AGBL4: variants seen among roughly 807,000 people sequenced by gnomAD.
AGBL4 encodes AGBL carboxypeptidase 4.
AGBL4 carries 58 observed loss-of-function variants against 66.4 expected under a neutral mutation model. The observed-to-expected ratio is 0.87, with a 90% CI of 0.71 to 1.09. AGBL4 has a LOEUF of 1.09. AGBL4 is among the 50% of genes least tolerant of loss of function. The probability of loss-of-function intolerance (pLI) is 0.00; values close to 1 mark genes in which losing one functional copy is unlikely to be tolerated. For missense variants in AGBL4, 579 were observed against 631.0 expected, an observed-to-expected ratio of 0.92 and a Z score of 0.88; for synonymous variants, 234 against 222.9, an observed-to-expected ratio of 1.05 and a Z score of -0.44.
intron 2 of AGBL4, among the ~76,000 whole-genome samples, chr1:49,749,694 C>A (rs1651294205): frequency 6.6e-6 from 1 of 152,168 alleles, no homozygotes; most frequent in South Asian, 2.1e-4. Context: ...AGAAATAAAT[C>A]TAACAAGAGA....
chr1:49,576,012 T>A (rs549070075), intron 3 of AGBL4, among the ~76,000 whole-genome samples: 1 of 152,338 alleles, frequency 6.6e-6, no homozygotes, highest in South Asian at 2.1e-4. Flanking sequence ...GCATACCAAA[T>A]GATGGAAAAT....
intron 2 of AGBL4, among the ~76,000 whole-genome samples, chr1:49,815,075 C>T (rs959730445): frequency 2.6e-5 from 4 of 152,134 alleles, no homozygotes; most frequent in African/African-American, 7.2e-5. Context: ...TTATTATTGA[C>T]TATACTCACC....
intron 12 of AGBL4, among the ~76,000 whole-genome samples, chr1:48,538,026 T>C (rs190708561): frequency 5.9e-5 from 9 of 152,290 alleles, no homozygotes; most frequent in African/African-American, 2.2e-4. Flanking sequence ...GGACAGGCAC[T>C]TCAGGGGCAC....
chr1:49,516,317 C>G (rs1017408486), intron 3 of AGBL4, among the ~76,000 whole-genome samples: 1 of 151,924 alleles, frequency 6.6e-6, no homozygotes, highest in African/African-American at 2.4e-5. Flanking sequence ...AGAGGGACAA[C>G]TAATTCAGCC....
intron 3 of AGBL4, 79 bp from the exon 4 acceptor site, chr1:49,245,943 A>G: frequency 8.9e-7 from 1 of 1,119,760 alleles, no homozygotes; most frequent in South Asian, 1.4e-5. Context: ...GGAAATAAGA[A>G]ACAGGGTTAA....
At chr1:49,090,181 T>C (rs546682325) in intron 4 of AGBL4, among the ~76,000 whole-genome samples, 21 of 152,082 alleles carry the variant, frequency 1.4e-4, no homozygotes, top group Non-Finnish European at 2.5e-4. Context: ...TGGAACAAGA[T>C]AAGAATGCTC....
chr1:50,000,718 C>T (rs561572694), intron 1 of AGBL4, among the ~76,000 whole-genome samples: 1 of 152,232 alleles, frequency 6.6e-6, no homozygotes, highest in East Asian at 1.9e-4. Flanking sequence ...TATATATACA[C>T]CATGGAATAC....
At chr1:50,023,680 G>A (rs1484257668) in intron 1 of AGBL4, 83 bp downstream of exon 1, 35 of 1,473,512 alleles carry the variant, frequency 2.4e-5, no homozygotes, top group Non-Finnish European at 2.7e-6. Flanking sequence ...TCAGGAGTAG[G>A]ACCATGCCCG....
chr1:49,765,671 A>T (rs1054323714), intron 2 of AGBL4, among the ~76,000 whole-genome samples: 1 of 152,144 alleles, frequency 6.6e-6, no homozygotes, highest in Non-Finnish European at 1.5e-5. Context: ...GCAAGATCCA[A>T]AACAATGCTG....
chr1:48,826,036 A>G (rs1646420494), intron 6 of AGBL4, among the ~76,000 whole-genome samples: 1 of 152,142 alleles, frequency 6.6e-6, no homozygotes, highest in African/African-American at 2.4e-5. Context: ...ATTCAAAGTG[A>G]CAGGGACTTT....
intron 10 of AGBL4, among the ~76,000 whole-genome samples, chr1:48,588,798 C>CAGAGAAGAGAACAGAAGAGA (rs1644865886): frequency 8.8e-6 from 1 of 113,112 alleles, no homozygotes; most frequent in Non-Finnish European, 1.9e-5. Context: ...CATTGAGGAT[C>CAGAGAAGAGAACAGAAGAGA]AGAGAAGAGA....
intron 6 of AGBL4, chr1:48,742,730 C>G: frequency 1.2e-6 from 2 of 1,608,230 alleles, no homozygotes; most frequent in Admixed American, 1.7e-5. Flanking sequence ...GGCTCGGGCT[C>G]GAGACATTCT....
In AGBL4 at chr1:48,940,309, C is replaced by T. The variant is rs905684390; in HGVS notation, c.595-73079G>A. On this transcript the variant is annotated intron_variant, in intron 5 of 13. Transcript: ENST00000371839. ...AGAAGAATTGCTTGAACCCAGGAGG[C>T]GGAGGTTGCAGTGAGCCGAGATCAT... Among the ~76,000 whole-genome samples, 12 of 152,068 alleles carry T rather than the reference C, an allele frequency of 7.9e-5. No individual in the cohort carries two copies. In the South Asian group the frequency reaches 8.3e-4, roughly 11 times the overall value.
intron 3 of AGBL4, among the ~76,000 whole-genome samples, chr1:49,579,271 T>C (rs1182810935): frequency 6.6e-6 from 1 of 152,196 alleles, no homozygotes; most frequent in East Asian, 1.9e-4. Context: ...TCTGTTCCTC[T>C]AGAGAACCCT....
At chr1:49,654,303 T>C (rs1646071508) in intron 3 of AGBL4, among the ~76,000 whole-genome samples, 1 of 152,236 alleles carries the variant, frequency 6.6e-6, no homozygotes, top group Non-Finnish European at 1.5e-5. Flanking sequence ...TTGTTATAAT[T>C]TCTGTTCTTT....
chr1:50,004,438 T>G (rs1660985913), intron 1 of AGBL4, among the ~76,000 whole-genome samples: 1 of 152,120 alleles, frequency 6.6e-6, no homozygotes, highest in African/African-American at 2.4e-5. Flanking sequence ...CCAGCCAGGA[T>G]AGCCAAGGGA....
At chr1:49,229,606 A>G (rs1650157628) in intron 4 of AGBL4, among the ~76,000 whole-genome samples, 1 of 152,194 alleles carries the variant, frequency 6.6e-6, no homozygotes, top group African/African-American at 2.4e-5. Context: ...AATTCTTCTG[A>G]TCAGAAAAAA....
chr1:48,657,119 G>T (rs1420912395), intron 7 of AGBL4, among the ~76,000 whole-genome samples: 2 of 152,172 alleles, frequency 1.3e-5, no homozygotes, highest in Non-Finnish European at 2.9e-5. Context: ...GGACAATCTG[G>T]GTTTGATGCC....
intron 1 of AGBL4, among the ~76,000 whole-genome samples, chr1:49,915,598 G>C (rs924272450): frequency 1.3e-5 from 2 of 152,206 alleles, no homozygotes; most frequent in South Asian, 2.1e-4. Context: ...AGCTCGAACT[G>C]GGTGGAGCCC....
Sources: gnomAD v4.1 joint callset for allele counts (sites outside exome capture counted in the v4.1 genomes callset) on GRCh38, gnomAD v4.1.1 for gene constraint, MANE v1.5 for transcripts, NCBI Gene and HGNC (gene_info 2026-07-23, HGNC 2026-07-21) for gene names.